The following ITPR1 variants were observed in gnomAD, a reference collection of about 807,000 sequenced individuals.
ITPR1 encodes the protein inositol 1,4,5-trisphosphate-gated calcium channel ITPR1.
A neutral mutation model predicts 318.4 loss-of-function variants in ITPR1; 96 were observed. The ratio of observed to expected loss-of-function variants is 0.30; its 90% CI spans 0.26 to 0.36. The LOEUF (loss-of-function observed/expected upper bound fraction) is 0.36, where lower values mean the gene tolerates loss of function less well. Ranked by LOEUF, ITPR1 falls within the 10% of genes least tolerant of loss-of-function variation. ITPR1 has a pLI of 1.00. For missense variants in ITPR1, 2,440 were observed against 3,460.2 expected (o/e 0.71, Z 7.40); for synonymous variants, 1,312 against 1,289.9 (o/e 1.02, Z -0.37).
At chr3:4,516,639 G>C in intron 3 of ITPR1, 56 bp downstream of exon 3, 2 of 1,034,582 alleles carry the variant, frequency 1.9e-6, no homozygotes, top group Non-Finnish European at 2.9e-6. Context: ...CATAACATCA[G>C]CTTAAAACTG....
chr3:4,530,338 G>A lies in ITPR1; in HGVS notation c.163+9244G>A, dbSNP rs147401903. ...TTAAATACTGGTTGAAAAGGAATTG[G>A]TGTTCTTTTCTGATATGATTTTGAC... On this transcript the variant is annotated intron_variant, in intron 4 of 61. Coordinates refer to ENST00000649015, the MANE Select transcript of ITPR1 (RefSeq NM_001378452.1). 3.7e-3 allele frequency among the ~76,000 whole-genome samples: 567 copies of A among 152,286 alleles called. 4 individuals are homozygous for A. The highest frequency in any genetic ancestry group is 6.5e-3 in the Non-Finnish European group (441 of 68,024).
intron 52 of ITPR1, among the ~76,000 whole-genome samples, chr3:4,788,961 T>C (rs1316837709): frequency 1.3e-5 from 2 of 152,186 alleles, no homozygotes; most frequent in African/African-American, 4.8e-5. Context: ...TCCCAGAGCT[T>C]TCGTCTTCTC....
At chr3:4,556,855 A>C (rs1450685333) in intron 4 of ITPR1, among the ~76,000 whole-genome samples, 2 of 152,142 alleles carry the variant, frequency 1.3e-5, no homozygotes, top group South Asian at 2.1e-4. Context: ...AACTCTTCTG[A>C]GGAGAAATGG....
At chr3:4,627,419 G>A (rs2092867093) in intron 4 of ITPR1, among the ~76,000 whole-genome samples, 1 of 152,078 alleles carries the variant, frequency 6.6e-6, no homozygotes. Flanking sequence ...AGCCGAGGTT[G>A]TGCCACTGCA....
intron 4 of ITPR1, among the ~76,000 whole-genome samples, chr3:4,548,411 G>A (rs753975016): frequency 1.3e-5 from 2 of 152,154 alleles, no homozygotes; most frequent in Non-Finnish European, 2.9e-5. Context: ...TGTCTTTTTA[G>A]TAAATACTCA....
At chr3:4,508,444 C>T (rs948595517) in intron 2 of ITPR1, among the ~76,000 whole-genome samples, 22 of 139,526 alleles carry the variant, frequency 1.6e-4, no homozygotes, top group Admixed American at 1.6e-3. Flanking sequence ...TCTGTGTAGG[C>T]GAAAATCAAG....
intron 39 of ITPR1, among the ~76,000 whole-genome samples, chr3:4,712,134 G>C (rs1467508661): frequency 1.3e-5 from 2 of 152,194 alleles, no homozygotes; most frequent in Non-Finnish European, 2.9e-5. Context: ...GTAATAACAA[G>C]ATTTTCCATC....
chr3:4,841,218 A>C (rs1021236980), intron 61 of ITPR1, among the ~76,000 whole-genome samples: 2 of 152,222 alleles, frequency 1.3e-5, no homozygotes, highest in African/African-American at 4.8e-5. Flanking sequence ...TAGCAATCTG[A>C]TACAGTATGA....
chr3:4,526,993 G>A (rs1055136700), intron 4 of ITPR1, among the ~76,000 whole-genome samples: 3 of 152,288 alleles, frequency 2.0e-5, no homozygotes, highest in Admixed American at 6.5e-5. Flanking sequence ...GGCCTACTGG[G>A]GAAAAGTAAA....
chr3:4,685,026 A>G (rs2094367420), intron 29 of ITPR1, 43 bp from the exon 30 acceptor site: 3 of 1,590,890 alleles, frequency 1.9e-6, no homozygotes, highest in South Asian at 2.3e-5. Flanking sequence ...TTTTCCAGCT[A>G]TAGTTCCTAG....
chr3:4,565,069 T>C (rs1447455659), intron 4 of ITPR1, among the ~76,000 whole-genome samples: 1 of 152,250 alleles, frequency 6.6e-6, no homozygotes, highest in African/African-American at 2.4e-5. Context: ...GCCCCTTTTT[T>C]ATTTAATAAC....
At chr3:4,683,988 G>A (rs1426993960) in intron 28 of ITPR1, among the ~76,000 whole-genome samples, 190 bp downstream of exon 28, 1 of 152,204 alleles carries the variant, frequency 6.6e-6, no homozygotes, top group African/African-American at 2.4e-5. Context: ...TATGTCTCCT[G>A]TGCAGCCTTG....
intron 46 of ITPR1, among the ~76,000 whole-genome samples, chr3:4,772,929 T>C (rs1455937405): frequency 1.3e-5 from 2 of 152,192 alleles, no homozygotes; most frequent in African/African-American, 4.8e-5. Context: ...TTGAAACACG[T>C]GGGCCCAGCT....
intron 60 of ITPR1, among the ~76,000 whole-genome samples, chr3:4,830,184 C>T (rs752501471): frequency 4.0e-5 from 6 of 151,700 alleles, no homozygotes; most frequent in Non-Finnish European, 8.8e-5. Context: ...CTATGTTGGC[C>T]GGGTTGGTCT....
chr3:4,590,958 A>G (rs2090350726), intron 4 of ITPR1, among the ~76,000 whole-genome samples: 2 of 152,108 alleles, frequency 1.3e-5, no homozygotes, highest in Non-Finnish European at 2.9e-5. Context: ...GCTCCCACTT[A>G]TAAGTGAGAA....
chr3:4,758,476 C>T (rs1206749716), intron 44 of ITPR1, among the ~76,000 whole-genome samples: 1 of 152,206 alleles, frequency 6.6e-6, no homozygotes, highest in African/African-American at 2.4e-5. Flanking sequence ...CAGAAACGGA[C>T]AGGTAGGCTG....
At chr3:4,670,570 A>G (rs554835675) in intron 19 of ITPR1, among the ~76,000 whole-genome samples, 159 bp from the exon 20 acceptor site, 26 of 152,366 alleles carry the variant, frequency 1.7e-4, no homozygotes, top group African/African-American at 5.5e-4. Flanking sequence ...ACTGGGTTAC[A>G]GTATATGAAG....
At chr3:4,698,121 A>T (rs1191822238) in intron 34 of ITPR1, among the ~76,000 whole-genome samples, 1 of 152,150 alleles carries the variant, frequency 6.6e-6, no homozygotes, top group African/African-American at 2.4e-5. Context: ...CATACCACAG[A>T]TTTAAAATGA....
At chr3:4,748,494 T>C (rs2044267269) in intron 44 of ITPR1, among the ~76,000 whole-genome samples, 1 of 152,168 alleles carries the variant, frequency 6.6e-6, no homozygotes. Flanking sequence ...TCTGCTGGTG[T>C]CTTTCTTGTG....
Sources: gnomAD v4.1 joint callset for allele counts (sites outside exome capture counted in the v4.1 genomes callset) on GRCh38, gnomAD v4.1.1 for gene constraint, MANE v1.5 for transcripts, NCBI Gene and HGNC (gene_info 2026-07-23, HGNC 2026-07-21) for gene names.